Variants in RIN2 observed in about 807,000 individuals in gnomAD.
RIN2 encodes RAB5 interacting protein 2.
RIN2 carries 36 observed loss-of-function variants against 78.0 expected under a neutral mutation model. The observed-to-expected ratio is 0.46, with a 90% confidence interval of 0.35 to 0.61. The LOEUF is 0.61. Among genes scored for constraint, RIN2 ranks in the 20% least tolerant of loss-of-function variants. The pLI, the probability that RIN2 is intolerant of heterozygous loss-of-function variation, is 0.00. For synonymous variants in RIN2, 466 were observed against 466.8 expected (o/e 1.00, Z 0.02); for missense variants, 1,087 against 1,159.7 (o/e 0.94, Z 0.91).
chr20:19,997,178 C>A (rs1325691727), intron 12 of RIN2, among the ~76,000 whole-genome samples: 1 of 152,158 alleles, frequency 6.6e-6, no homozygotes, highest in Non-Finnish European at 1.5e-5. Context: ...CGCTGTGTTA[C>A]GCGATGCAAT....
intron 3 of RIN2, among the ~76,000 whole-genome samples, chr20:19,901,554 A>G (rs1600738077): frequency 6.6e-6 from 1 of 152,166 alleles, no homozygotes; most frequent in Non-Finnish European, 1.5e-5. Context: ...TGAACACTCA[A>G]ACTCCGTTGT....
chr20:19,792,907 C>T (rs536045827), intron 1 of RIN2, among the ~76,000 whole-genome samples: 14 of 151,200 alleles, frequency 9.3e-5, no homozygotes, highest in African/African-American at 3.2e-4. Flanking sequence ...GAGATGGCTG[C>T]GGAGGGCAAG....
chr20:19,844,602 T>TCTC (rs2036686416), intron 2 of RIN2, among the ~76,000 whole-genome samples: 1 of 15,538 alleles, frequency 6.4e-5, no homozygotes, highest in Admixed American at 7.6e-4. Flanking sequence ...TGCTTCTTCC[T>TCTC]CTTCTTCTTC....
intron 3 of RIN2, among the ~76,000 whole-genome samples, chr20:19,931,709 C>CTTTTTTTTTTTTTTTTTT (rs57734791): frequency 7.8e-6 from 1 of 128,128 alleles, no homozygotes; most frequent in African/African-American, 3.0e-5. Context: ...CTCGATTTGC[C>CTTTTTTTTTTTTTTTTTT]TTTTTTTTTT....
At chr20:19,794,532 C>CA (rs10530809) in intron 1 of RIN2, among the ~76,000 whole-genome samples, 1,297 of 88,464 alleles carry the variant, frequency 0.015, 11 homozygotes, top group Non-Finnish European at 0.022. Flanking sequence ...ACCCTGTATC[C>CA]AAAAAAAAAA....
intron 1 of RIN2, among the ~76,000 whole-genome samples, chr20:19,760,592 T>G (rs1280457662): frequency 2.0e-5 from 3 of 152,102 alleles, no homozygotes; most frequent in African/African-American, 7.2e-5. Flanking sequence ...CCTCCTTGCT[T>G]AGCTAAACCC....
chr20:19,951,785 C>A (rs976275651), intron 4 of RIN2, among the ~76,000 whole-genome samples: 1 of 152,306 alleles, frequency 6.6e-6, no homozygotes, highest in Admixed American at 6.5e-5. Context: ...AGGAGAGGAA[C>A]CTCATGCTTC....
At chr20:19,821,101 G>T (rs1378652780) in intron 2 of RIN2, among the ~76,000 whole-genome samples, 1 of 152,104 alleles carries the variant, frequency 6.6e-6, no homozygotes, top group Non-Finnish European at 1.5e-5. Flanking sequence ...TCATCCATTG[G>T]TGATCCTGCC....
intron 2 of RIN2, among the ~76,000 whole-genome samples, chr20:19,855,193 G>T (rs865833910): frequency 4.6e-5 from 7 of 152,064 alleles, no homozygotes; most frequent in African/African-American, 1.2e-4. Flanking sequence ...TTATTGATTT[G>T]CGTATGTTGA....
intron 3 of RIN2, among the ~76,000 whole-genome samples, chr20:19,893,994 C>A (rs769421946): frequency 6.6e-6 from 1 of 152,120 alleles, no homozygotes; most frequent in Non-Finnish European, 1.5e-5. Flanking sequence ...ATGGCTTGAA[C>A]CCAGGAGATG....
At chr20:19,984,749 A>G (rs1439075474) in intron 9 of RIN2, among the ~76,000 whole-genome samples, 1 of 152,204 alleles carries the variant, frequency 6.6e-6, no homozygotes, top group Non-Finnish European at 1.5e-5. Flanking sequence ...CCTGGGTGAC[A>G]GAGTGAGACT....
chr20:19,890,377 C>T (rs554212478), intron 3 of RIN2, among the ~76,000 whole-genome samples: 1 of 151,930 alleles, frequency 6.6e-6, no homozygotes, highest in Non-Finnish European at 1.5e-5. Flanking sequence ...GCTTTGTTTC[C>T]TTTCATTCAC....
chr20:19,988,523 C>G (rs914109997), intron 9 of RIN2, among the ~76,000 whole-genome samples: 2 of 152,154 alleles, frequency 1.3e-5, no homozygotes, highest in African/African-American at 4.8e-5. Context: ...GCAGCAGAAC[C>G]CAAGGGGCTC....
chr20:19,960,073 C>T (rs1478882324), intron 5 of RIN2, among the ~76,000 whole-genome samples: 1 of 152,202 alleles, frequency 6.6e-6, no homozygotes, highest in Non-Finnish European at 1.5e-5. Flanking sequence ...CTTCAGAGTG[C>T]ATCCACCCAC....
intron 2 of RIN2, among the ~76,000 whole-genome samples, chr20:19,884,056 C>G (rs1319386685): frequency 2.6e-5 from 4 of 151,444 alleles, no homozygotes; most frequent in African/African-American, 9.7e-5. Flanking sequence ...CTGCCTTGGC[C>G]TCCTAAAGTG....
chr20:19,924,779 G>T (rs1600825197), intron 3 of RIN2, among the ~76,000 whole-genome samples: 4 of 70,270 alleles, frequency 5.7e-5, no homozygotes, highest in Non-Finnish European at 1.0e-4. Context: ...TGCTCTTGTT[G>T]CCCAGGCTGT....
intron 3 of RIN2, among the ~76,000 whole-genome samples, chr20:19,929,983 C>CT (rs1265761356): frequency 6.6e-6 from 1 of 151,678 alleles, no homozygotes. Context: ...AGAGGCAGGA[C>CT]TGGCCCTGGA....
chr20:19,863,701 C>A (rs2037414218), intron 2 of RIN2, among the ~76,000 whole-genome samples: 1 of 152,162 alleles, frequency 6.6e-6, no homozygotes, highest in African/African-American at 2.4e-5. Flanking sequence ...AGAATCCTTG[C>A]CTTGGGGTTT....
chr20:19,831,853 T>C (rs531791005), intron 2 of RIN2, among the ~76,000 whole-genome samples: 31 of 152,164 alleles, frequency 2.0e-4, no homozygotes, highest in Non-Finnish European at 4.1e-4. Flanking sequence ...ACATAGACTT[T>C]TAAAATACAT....
Sources: allele counts gnomAD v4.1 joint callset (sites outside exome capture counted in the v4.1 genomes callset), GRCh38; gene constraint gnomAD v4.1.1; transcripts MANE v1.5; gene names NCBI Gene and HGNC (gene_info 2026-07-23, HGNC 2026-07-21).